Variants in RAPGEF5 observed in about 807,000 individuals in gnomAD.
RAPGEF5 encodes the protein Rap guanine nucleotide exchange factor 5, also known as M-Ras-regulated GEF.
A neutral mutation model predicts 125.2 loss-of-function variants in RAPGEF5; 65 were observed. The ratio of observed to expected loss-of-function variants is 0.52; its 90% CI spans 0.43 to 0.64. The LOEUF (loss-of-function observed/expected upper bound fraction) is 0.64, where lower values mean the gene tolerates loss of function less well. Among genes scored for constraint, RAPGEF5 ranks in the 30% least tolerant of loss-of-function variants. The pLI is 0.00. For missense variants in RAPGEF5, 958 were observed against 1,048.1 expected (o/e 0.91, Z 1.19); for synonymous variants, 391 against 385.9 (o/e 1.01, Z -0.16).
intron 1 of RAPGEF5, 131 bp downstream of exon 1, chr7:22,356,699 G>A: frequency 4.9e-6 from 2 of 406,376 alleles, no homozygotes; most frequent in Non-Finnish European, 7.0e-6. Flanking sequence ...CTCTTCAGCC[G>A]AGTCCGGCAG....
At chr7:22,259,256 A>T (rs1782087301) in intron 7 of RAPGEF5, among the ~76,000 whole-genome samples, 1 of 152,252 alleles carries the variant, frequency 6.6e-6, no homozygotes, top group African/African-American at 2.4e-5. Flanking sequence ...GCTCAACATC[A>T]TATGTCATTA....
chr7:22,263,180 T>A (rs73069127), intron 7 of RAPGEF5, among the ~76,000 whole-genome samples: 6 of 152,204 alleles, frequency 3.9e-5, no homozygotes, highest in Non-Finnish European at 1.5e-5. Context: ...GGAAAGTCAG[T>A]GTAGCTATAA....
chr7:22,159,246 C>T (rs970929472), intron 14 of RAPGEF5, among the ~76,000 whole-genome samples: 7 of 152,124 alleles, frequency 4.6e-5, no homozygotes, highest in African/African-American at 1.7e-4. Flanking sequence ...TAAAAGAAGA[C>T]CACCAGCATT....
At position 22,194,063 on chromosome 7, in the gene RAPGEF5, G is replaced by C. The variant is rs771840450; in HGVS notation, c.997-30C>G. 1.9e-6 allele frequency: 3 copies of C among 1,561,436 alleles called. No individual in the cohort carries two copies. The East Asian group carries it at 6.7e-5, about 35-fold the overall frequency. On this transcript the variant is annotated intron_variant, in intron 9 of 25. Transcript: ENST00000665637. ...AATTGTGGACAGGGATGATGGATGA[G>C]AGAAGGAAAAAGAGAGAGAAAATTA...
chr7:22,121,142 T>G lies in RAPGEF5; in HGVS notation c.*1264A>C, dbSNP rs1256564002. On this transcript the variant is annotated 3_prime_UTR_variant, in exon 26 of 26. Transcript: ENST00000665637. ...TGAAAGAAATCCTCTAACCAGTCCTTGAAAATATCAAGAGGTCTTATTTGC... is the reference window on the plus strand; with the variant it reads ...TGAAAGAAATCCTCTAACCAGTCCTGGAAAATATCAAGAGGTCTTATTTGC... 2 of 149,002 alleles carry G rather than the reference T, an allele frequency of 1.3e-5. No homozygotes were observed. Among genetic ancestry groups the G allele is most frequent in the African/African-American group, 5.0e-5 (2 of 40,318 alleles). 9.2% of individuals were successfully genotyped at this position (149,002 alleles called of 1,614,324 possible). A position where few individuals can be genotyped will look rare whatever the true frequency, so the allele number is the denominator to read the frequency against.
At chr7:22,302,841 T>G (rs1443450224) in intron 5 of RAPGEF5, among the ~76,000 whole-genome samples, 1 of 134,258 alleles carries the variant, frequency 7.4e-6, no homozygotes, top group Non-Finnish European at 1.6e-5. Context: ...ATCAGATCAC[T>G]TAGAGAAAAA....
At chr7:22,243,155 T>G (rs574567292) in intron 7 of RAPGEF5, among the ~76,000 whole-genome samples, 1 of 152,278 alleles carries the variant, frequency 6.6e-6, no homozygotes, top group East Asian at 1.9e-4. Context: ...AATATCAATG[T>G]AAGTACTTAC....
chr7:22,245,053 G>T (rs1194500630), intron 7 of RAPGEF5, among the ~76,000 whole-genome samples: 1 of 152,104 alleles, frequency 6.6e-6, no homozygotes, highest in Non-Finnish European at 1.5e-5. Context: ...ATTTTAATTT[G>T]CATTTCTCTC....
chr7:22,264,476 T>C (rs1782234961), intron 7 of RAPGEF5, among the ~76,000 whole-genome samples: 1 of 152,250 alleles, frequency 6.6e-6, no homozygotes, highest in Non-Finnish European at 1.5e-5. Flanking sequence ...TTTGACATTA[T>C]GCAATCTAAC....
chr7:22,319,017 T>C (rs1351701355), intron 1 of RAPGEF5, among the ~76,000 whole-genome samples: 2 of 152,230 alleles, frequency 1.3e-5, no homozygotes, highest in Non-Finnish European at 2.9e-5. Context: ...TATATAACTG[T>C]ATGAACTTAA....
chr7:22,314,779 G>A (rs114752558), intron 3 of RAPGEF5: 1 of 322,052 alleles, frequency 3.1e-6, no homozygotes, highest in Admixed American at 6.5e-5. Context: ...TCTTTAAATT[G>A]TTCCATAAAA....
At chr7:22,130,411 G>A (rs999643905) in intron 24 of RAPGEF5, among the ~76,000 whole-genome samples, 2 of 152,196 alleles carry the variant, frequency 1.3e-5, no homozygotes, top group African/African-American at 4.8e-5. Context: ...GAAACATTTA[G>A]AGAGGATTGC....
At chr7:22,354,386 G>C (rs766863202) in intron 1 of RAPGEF5, among the ~76,000 whole-genome samples, 5 of 152,158 alleles carry the variant, frequency 3.3e-5, no homozygotes, top group African/African-American at 1.2e-4. Flanking sequence ...CAAAGCTGAA[G>C]GTCTACAAAA....
chr7:22,343,204 C>G (rs529074776), intron 1 of RAPGEF5, among the ~76,000 whole-genome samples: 1 of 152,248 alleles, frequency 6.6e-6, no homozygotes, highest in East Asian at 1.9e-4. Context: ...CTTTTTAAAA[C>G]CATCAGATCT....
intron 11 of RAPGEF5, among the ~76,000 whole-genome samples, chr7:22,185,473 A>T (rs78787374): frequency 0.017 from 2,638 of 152,302 alleles, 74 homozygotes; most frequent in African/African-American, 0.06. Context: ...CTAATTTATA[A>T]AGCCTTCCAA....
intron 5 of RAPGEF5, among the ~76,000 whole-genome samples, chr7:22,296,973 T>C (rs1395135678): frequency 6.6e-6 from 1 of 152,218 alleles, no homozygotes; most frequent in Non-Finnish European, 1.5e-5. Context: ...AAGACTTCTG[T>C]AATCTTGACA....
chr7:22,169,106 C>G (rs1784262100), intron 11 of RAPGEF5, among the ~76,000 whole-genome samples: 1 of 152,170 alleles, frequency 6.6e-6, no homozygotes, highest in African/African-American at 2.4e-5. Flanking sequence ...CTGGGCCTTG[C>G]TGGGCATAAA....
At position 22,319,868 on chromosome 7, in the gene RAPGEF5, G is replaced by A. The variant is rs79083746; in HGVS notation, c.232-1831C>T. Among the ~76,000 whole-genome samples, 1,339 of 151,538 alleles carry A rather than the reference G, an allele frequency of 8.8e-3. 23 individuals carry two copies. The highest frequency in any genetic ancestry group is 0.031 in the African/African-American group (1,274 of 41,308). The stretch of plus-strand genomic sequence containing the variant: ...AACAAGGTCTAAAAAAAAAAAACGT[G>A]GGCAGGGGCATTTTCACAAAAGAAA... On this transcript the variant is annotated intron_variant, in intron 1 of 25. Transcript: ENST00000665637.
At chr7:22,335,570 G>C (rs1181105605) in intron 1 of RAPGEF5, among the ~76,000 whole-genome samples, 1 of 151,898 alleles carries the variant, frequency 6.6e-6, no homozygotes, top group Non-Finnish European at 1.5e-5. Context: ...TGGGGTGGGT[G>C]GGGCATCTAC....
Sources: allele counts gnomAD v4.1 joint callset (sites outside exome capture counted in the v4.1 genomes callset), GRCh38; gene constraint gnomAD v4.1.1; transcripts MANE v1.5; gene names NCBI Gene and HGNC (gene_info 2026-07-23, HGNC 2026-07-21).